Variants in TRIT1 observed in about 807,000 individuals in gnomAD.
The protein encoded by TRIT1 is tRNA isopentenyltransferase 1.
In TRIT1, 43 loss-of-function variants were observed where a neutral mutation model predicts 51.2. The ratio of observed to expected loss-of-function variants is 0.84; its 90% CI spans 0.66 to 1.08. The LOEUF is 1.08. Ranked by LOEUF, TRIT1 falls within the 50% of genes least tolerant of loss-of-function variation. TRIT1 has a pLI of 0.00. For synonymous variants in TRIT1, 184 were observed against 203.9 expected (o/e 0.90, Z 0.83); for missense variants, 528 against 578.4 (o/e 0.91, Z 0.89).
At chr1:39,882,730 GGTGACATTTT>G (rs1644302963) in intron 1 of TRIT1, among the ~76,000 whole-genome samples, 1 of 152,228 alleles carries the variant, frequency 6.6e-6, no homozygotes, top group South Asian at 2.1e-4. Flanking sequence ...TTGTGCGGTA[GGTGACATTTT>G]CCTCACTTCA....
intron 1 of TRIT1, among the ~76,000 whole-genome samples, chr1:39,865,802 T>C (rs1016146862): frequency 2.0e-5 from 3 of 148,892 alleles, no homozygotes; most frequent in African/African-American, 5.0e-5. Flanking sequence ...TGGGCCATAA[T>C]TGCACCACTA....
At chr1:39,847,438 C>T in intron 7 of TRIT1, 110 bp downstream of exon 7, 3 of 1,443,214 alleles carry the variant, frequency 2.1e-6, no homozygotes, top group African/African-American at 1.4e-5. Context: ...CAGTTCTGAG[C>T]TGAAGGCTAT....
At chr1:39,879,162 G>A (rs977184929) in intron 1 of TRIT1, among the ~76,000 whole-genome samples, 3 of 152,040 alleles carry the variant, frequency 2.0e-5, no homozygotes, top group African/African-American at 7.2e-5. Flanking sequence ...CCAGCTACTC[G>A]GGAGGCTGAG....
In TRIT1 at chr1:39,840,672, T is replaced by A. The variant is rs1337947210; in HGVS notation, c.*1072A>T. On this transcript the variant is annotated 3_prime_UTR_variant, in exon 11 of 11. Transcript: ENST00000316891. Reference sequence around the variant, plus strand: ...GTTAACGCTTAAAGGGCACAAAGTTTGTTTGGAGTGACAAAAACGTTTTGG... The same window carrying A: ...GTTAACGCTTAAAGGGCACAAAGTTAGTTTGGAGTGACAAAAACGTTTTGG... 1.3e-5 allele frequency among the ~76,000 whole-genome samples: 2 copies of A among 152,240 alleles called. No homozygotes were observed. Among genetic ancestry groups the A allele is most frequent in the Non-Finnish European group, 2.9e-5 (2 of 68,044 alleles).
chr1:39,867,961 T>TC (rs1643645071), intron 1 of TRIT1, among the ~76,000 whole-genome samples: 1 of 151,988 alleles, frequency 6.6e-6, no homozygotes, highest in Non-Finnish European at 1.5e-5. Flanking sequence ...TTTTTTTTTT[T>TC]CGAGATGGAG....
chr1:39,878,319 T>C (rs185284745), intron 1 of TRIT1, among the ~76,000 whole-genome samples: 10 of 152,352 alleles, frequency 6.6e-5, no homozygotes, highest in African/African-American at 2.4e-4. Flanking sequence ...AACCCCATTG[T>C]AGTTTTACCT....
chr1:39,863,880 C>A (rs1224908182), intron 1 of TRIT1, among the ~76,000 whole-genome samples: 1 of 152,120 alleles, frequency 6.6e-6, no homozygotes, highest in Non-Finnish European at 1.5e-5. Flanking sequence ...AGAATCCAGA[C>A]CCATGGTTCT....
intron 1 of TRIT1, among the ~76,000 whole-genome samples, chr1:39,868,163 G>C (rs1321906048): frequency 6.6e-6 from 1 of 151,466 alleles, no homozygotes; most frequent in African/African-American, 2.4e-5. Context: ...AGCCAGGATG[G>C]TCTCGATCTC....
At chr1:39,847,027 A>T (rs936353162) in intron 8 of TRIT1, 193 bp downstream of exon 8, 65 of 563,182 alleles carry the variant, frequency 1.2e-4, no homozygotes, top group African/African-American at 1.1e-3. Context: ...CTCAATGCAA[A>T]TAATTTTTTT....
At chr1:39,857,454 C>T (rs945804607) in intron 1 of TRIT1, 37 bp from the exon 2 acceptor site, 1 of 1,604,052 alleles carries the variant, frequency 6.2e-7, no homozygotes, top group Admixed American at 1.7e-5. Context: ...AAGTCAACCA[C>T]CTCCATAAAA....
chr1:39,852,684 T>C (rs1156784001), intron 4 of TRIT1, 47 bp downstream of exon 4: 1 of 1,593,358 alleles, frequency 6.3e-7, no homozygotes, highest in Non-Finnish European at 8.5e-7. Flanking sequence ...AACTGACTGC[T>C]CTCTAGTTGT....
rs372034946 is a variant in TRIT1 at position 39,847,988 on chromosome 1, A to G, written c.813T>C (p.Asn271=). The G allele has an allele frequency of 6.8e-6, 11 of 1,613,446 alleles. No individual in the cohort carries two copies. In the African/African-American group the frequency reaches 1.3e-4, roughly 20 times the overall value. ...CAGAATAACAGCCAAATCCTCACCT[A>G]TTTTCCGAAACATTCTTCTGATTAT... is the stretch of plus-strand genomic sequence containing the variant. The part of the protein sequence containing the change: ...RRYNQKNVSE[N]SQDYQHGIFQ... The change falls in exon 6 of 11, where the codon AAT becomes AAC. Residue 271 remains asparagine, a splice_region_variant and synonymous_variant. Coordinates refer to ENST00000316891, the MANE Select transcript of TRIT1 (RefSeq NM_017646.6).
intron 1 of TRIT1, among the ~76,000 whole-genome samples, chr1:39,875,479 C>T (rs1644020453): frequency 6.6e-6 from 1 of 151,778 alleles, no homozygotes; most frequent in African/African-American, 2.4e-5. Flanking sequence ...CAGAGCGAGA[C>T]TCTGTCTTGA....
chr1:39,876,952 G>T (rs1181726196), intron 1 of TRIT1, among the ~76,000 whole-genome samples: 1 of 137,500 alleles, frequency 7.3e-6, no homozygotes, highest in African/African-American at 2.8e-5. Context: ...AAAAAAAAAG[G>T]ACTGCCTTTG....
At chr1:39,860,374 G>C (rs1643166419) in intron 1 of TRIT1, among the ~76,000 whole-genome samples, 1 of 152,176 alleles carries the variant, frequency 6.6e-6, no homozygotes, top group Non-Finnish European at 1.5e-5. Context: ...ATGTTTTATA[G>C]TCGTTAACTA....
rs747839263 is a variant in TRIT1, at chr1:39,883,356, G to A, written c.136C>T (p.Arg46Trp). ...KSTLALQLGQRLGGEIVSADS... is the reference protein window; with the variant it reads ...KSTLALQLGQWLGGEIVSADS... ...GCGCTGACGATCTCACCGCCGAGCCGCTGGCCTAGCTGCAACGCCAGCGTG... is the reference window on the plus strand; with the variant it reads ...GCGCTGACGATCTCACCGCCGAGCCACTGGCCTAGCTGCAACGCCAGCGTG... Residue 46 changes from arginine to tryptophan, a missense_variant, in exon 1 of 11, where the codon CGG becomes TGG. Arg to Trp is a moderately radical substitution (Grantham distance 101). Around this residue, in one of 3 missense-constraint regions of TRIT1, gnomAD observed 468 missense variants for 522.6 expected, o/e 0.90. Transcript: ENST00000316891. The A allele has an allele frequency of 4.5e-5, 72 of 1,612,230 alleles. No homozygotes were observed. The highest frequency in any genetic ancestry group is 5.9e-5 in the Non-Finnish European group (70 of 1,179,404).
intron 1 of TRIT1, among the ~76,000 whole-genome samples, chr1:39,876,826 GC>G (rs1557585761): frequency 6.6e-6 from 1 of 151,410 alleles, no homozygotes; most frequent in Non-Finnish European, 1.5e-5. Flanking sequence ...TACTCAGGAG[GC>G]TGAGGCAGGA....
At position 39,872,752 on chromosome 1, in the gene TRIT1, AACACACACACAC is replaced by A. The variant is rs61554657; in HGVS notation, c.174+10554_174+10565del. 1.1e-3 allele frequency among the ~76,000 whole-genome samples: 153 copies of A among 135,080 alleles called. 3 individuals carry two copies. The highest frequency in any genetic ancestry group is 0.011 in the Admixed American group (147 of 13,124). The allele number at this position is 135,080 out of a possible 152,430, so 88.6% of individuals were successfully genotyped here. On this transcript the variant is annotated intron_variant, in intron 1 of 10. Coordinates refer to ENST00000316891, the MANE Select transcript of TRIT1 (RefSeq NM_017646.6). Reference sequence around the variant, plus strand: ...TTGTAATACCAGACAGGAAGTACTAAACACACACACACACACACACACACACACAGAGAGAGA... The same window carrying A: ...TTGTAATACCAGACAGGAAGTACTAAACACACACACACACACAGAGAGAGA...
intron 1 of TRIT1, chr1:39,862,954 T>C: frequency 2.8e-5 from 28 of 985,420 alleles, no homozygotes; most frequent in Non-Finnish European, 3.4e-5. Flanking sequence ...ATGGAAATGA[T>C]TTGGAATGAA....
Sources: allele counts gnomAD v4.1 joint callset (sites outside exome capture counted in the v4.1 genomes callset), GRCh38; gene constraint gnomAD v4.1.1; regional missense constraint gnomAD v4.1.1; transcripts MANE v1.5; gene names NCBI Gene and HGNC (gene_info 2026-07-23, HGNC 2026-07-21).